MTA3: variants seen among roughly 807,000 people sequenced by gnomAD.
MTA3 encodes the protein metastasis-associated protein MTA3.
In MTA3, 34 loss-of-function variants were observed where a neutral mutation model predicts 83.5. The observed-to-expected ratio is 0.41, with a 90% CI of 0.31 to 0.54. The LOEUF is 0.54. Ranked by LOEUF, MTA3 falls within the 20% of genes least tolerant of loss-of-function variation. The pLI is 0.33. For synonymous variants in MTA3, 303 were observed against 252.7 expected, an observed-to-expected ratio of 1.20 and a Z score of -1.89; for missense variants, 761 against 726.4, an observed-to-expected ratio of 1.05 and a Z score of -0.55.
chr2:42,697,981 C>T, intron 11 of MTA3, 147 bp downstream of exon 11: 1 of 557,222 alleles, frequency 1.8e-6, no homozygotes, highest in Non-Finnish European at 3.1e-6. Flanking sequence ...TATACCACTA[C>T]AATAAAAAGG....
rs147600501 is a variant in MTA3, at chr2:42,733,446, T to C, written c.1759+10411T>C. ...CATGTGGGAATTCCGGGAGGTACAATTCAAGTTGAGATTTGGGTGGCGACA... is the reference window on the plus strand; with the variant it reads ...CATGTGGGAATTCCGGGAGGTACAACTCAAGTTGAGATTTGGGTGGCGACA... On this transcript the variant is annotated intron_variant, in intron 16 of 16. Transcript: ENST00000405094. Among the ~76,000 whole-genome samples, 124 of 152,316 alleles carry C rather than the reference T, an allele frequency of 8.1e-4. 2 individuals carry two copies. In the East Asian group the frequency reaches 0.023, roughly 28 times the overall value.
At chr2:42,628,125 A>G (rs941921019) in intron 4 of MTA3, among the ~76,000 whole-genome samples, 1 of 150,970 alleles carries the variant, frequency 6.6e-6, no homozygotes, top group Admixed American at 6.6e-5. Flanking sequence ...TTTGTGATCC[A>G]CCCGCCTTGG....
intron 2 of MTA3, among the ~76,000 whole-genome samples, chr2:42,525,302 C>A (rs1675638038): frequency 6.6e-6 from 1 of 151,938 alleles, no homozygotes; most frequent in South Asian, 2.1e-4. Flanking sequence ...CAGGTTCAAG[C>A]AATTCTCGTG....
At chr2:42,675,676 G>A (rs377148693) in intron 8 of MTA3, among the ~76,000 whole-genome samples, 2 of 152,018 alleles carry the variant, frequency 1.3e-5, no homozygotes, top group African/African-American at 4.8e-5. Context: ...AACTTCTCTG[G>A]CATTTCAAAT....
At chr2:42,564,581 T>C (rs1339473757), upstream of MTA3, among the ~76,000 whole-genome samples, 1 of 152,052 alleles carries the variant, frequency 6.6e-6, no homozygotes, top group African/African-American at 2.4e-5. Context: ...TCTGAAAGAA[T>C]TTTACTAAAT....
chr2:42,606,402 C>T (rs1296137945), intron 3 of MTA3, among the ~76,000 whole-genome samples: 1 of 147,530 alleles, frequency 6.8e-6, no homozygotes, highest in African/African-American at 2.5e-5. Context: ...CGGGCAGAGA[C>T]GCTCCTCACC....
At chr2:42,596,647 T>C (rs1681821136) in intron 3 of MTA3, among the ~76,000 whole-genome samples, 1 of 152,214 alleles carries the variant, frequency 6.6e-6, no homozygotes. Flanking sequence ...TACTTTAAAA[T>C]TGATGTCACA....
intron 3 of MTA3, among the ~76,000 whole-genome samples, chr2:42,599,439 T>C (rs918937225): frequency 6.6e-6 from 1 of 151,376 alleles, no homozygotes; most frequent in South Asian, 2.1e-4. Context: ...CTAAAAAAAA[T>C]ACAAAAATTA....
chr2:42,562,749 T>G (rs1316323141), intron 2 of MTA3, among the ~76,000 whole-genome samples: 1 of 152,060 alleles, frequency 6.6e-6, no homozygotes, highest in Non-Finnish European at 1.5e-5. Flanking sequence ...GGCTCTGGGG[T>G]GATGGTAACA....
intron 3 of MTA3, among the ~76,000 whole-genome samples, chr2:42,597,952 G>T (rs1682034069): frequency 6.6e-6 from 1 of 152,108 alleles, no homozygotes; most frequent in Non-Finnish European, 1.5e-5. Context: ...AAAGTGTTAG[G>T]ATTACAGGCA....
At chr2:42,500,976 A>G (rs1357302342) in intron 2 of MTA3, among the ~76,000 whole-genome samples, 2 of 151,772 alleles carry the variant, frequency 1.3e-5, no homozygotes, top group African/African-American at 4.8e-5. Flanking sequence ...ACGCCCGGCT[A>G]ATTTTCTGTA....
intron 2 of MTA3, among the ~76,000 whole-genome samples, chr2:42,507,452 A>T (rs1674686154): frequency 6.6e-6 from 1 of 151,856 alleles, no homozygotes; most frequent in Non-Finnish European, 1.5e-5. Context: ...GGCATGAGCC[A>T]CTGTGCCTGG....
intron 2 of MTA3, among the ~76,000 whole-genome samples, chr2:42,527,547 G>A (rs752342758): frequency 7.9e-5 from 12 of 152,142 alleles, no homozygotes; most frequent in South Asian, 4.1e-4. Flanking sequence ...TATTCTAGGG[G>A]TGGAGGGAGA....
intron 2 of MTA3, among the ~76,000 whole-genome samples, chr2:42,504,225 C>T (rs1211932657): frequency 6.7e-6 from 1 of 150,024 alleles, no homozygotes; most frequent in African/African-American, 2.5e-5. Flanking sequence ...CTACCACACC[C>T]AGCCATGAAC....
intron 9 of MTA3, among the ~76,000 whole-genome samples, chr2:42,687,082 G>T (rs187065347): frequency 6.6e-6 from 1 of 150,856 alleles, no homozygotes; most frequent in East Asian, 2.0e-4. Flanking sequence ...AGCTGAGATC[G>T]CGCCACTGCA....
chr2:42,580,935 A>G (rs1268311724), intron 3 of MTA3, among the ~76,000 whole-genome samples: 1 of 152,118 alleles, frequency 6.6e-6, no homozygotes, highest in Non-Finnish European at 1.5e-5. Context: ...AGGACCCTGA[A>G]GCTTTTGAAA....
intron 8 of MTA3, among the ~76,000 whole-genome samples, chr2:42,668,539 G>C (rs1444495189): frequency 1.3e-5 from 2 of 152,190 alleles, no homozygotes; most frequent in East Asian, 3.8e-4. Context: ...ATCTGGCACA[G>C]TGTCAGAGCT....
At chr2:42,568,474 G>GC (rs1456307349), upstream of MTA3, 8 of 103,832 alleles carry the variant, frequency 7.7e-5, no homozygotes, top group Admixed American at 3.2e-4. Context: ...AATTCCCGCT[G>GC]GCCCCGCAGC....
chr2:42,682,010 C>T, intron 8 of MTA3, among the ~76,000 whole-genome samples: 1 of 151,994 alleles, frequency 6.6e-6, no homozygotes, highest in African/African-American at 2.4e-5. Context: ...AGTTCGAGAC[C>T]AGCCTGGGCA....
Sources: allele counts gnomAD v4.1 joint callset (sites outside exome capture counted in the v4.1 genomes callset), GRCh38; gene constraint gnomAD v4.1.1; transcripts MANE v1.5; gene names NCBI Gene and HGNC (gene_info 2026-07-23, HGNC 2026-07-21).